The following SPOCK1 variants were observed in gnomAD, a reference collection of about 807,000 sequenced individuals.
The protein encoded by SPOCK1 is testican-1.
SPOCK1 carries 23 observed loss-of-function variants against 55.3 expected under a neutral mutation model. The ratio of observed to expected loss-of-function variants is 0.42; its 90% CI spans 0.30 to 0.59. The LOEUF is 0.59. Ranked by LOEUF, SPOCK1 falls within the 20% of genes least tolerant of loss-of-function variation. SPOCK1 has a pLI of 0.22. For synonymous variants in SPOCK1, 226 were observed against 221.0 expected (o/e 1.02, Z -0.20); for missense variants, 499 against 552.5 (o/e 0.90, Z 0.97).
chr5:137,275,961 C>T (rs1331886548), intron 2 of SPOCK1, among the ~76,000 whole-genome samples: 1 of 152,196 alleles, frequency 6.6e-6, no homozygotes, highest in Non-Finnish European at 1.5e-5. Context: ...GTGCCCTAAC[C>T]AGCCTCCCTG....
At chr5:137,361,118 C>T (rs926907115) in intron 2 of SPOCK1, among the ~76,000 whole-genome samples, 6 of 152,166 alleles carry the variant, frequency 3.9e-5, no homozygotes, top group Admixed American at 1.3e-4. Context: ...CTCTTCTCTA[C>T]GTGAGGATAC....
At chr5:137,477,702 T>C (rs1048854354) in intron 2 of SPOCK1, among the ~76,000 whole-genome samples, 3 of 152,106 alleles carry the variant, frequency 2.0e-5, no homozygotes, top group Non-Finnish European at 2.9e-5. Flanking sequence ...ATGATCACAT[T>C]TGAGGGGGAA....
chr5:137,457,278 G>A (rs1328503593), intron 2 of SPOCK1, among the ~76,000 whole-genome samples: 1 of 152,206 alleles, frequency 6.6e-6, no homozygotes, highest in East Asian at 1.9e-4. Context: ...ATGATATAAA[G>A]TGGAAGCAGT....
chr5:137,130,746 A>T (rs1413744250), intron 4 of SPOCK1, among the ~76,000 whole-genome samples: 1 of 152,234 alleles, frequency 6.6e-6, no homozygotes, highest in Non-Finnish European at 1.5e-5. Context: ...ATGACACCAC[A>T]GCACCTCCAG....
chr5:137,379,128 T>C (rs1184281187), intron 2 of SPOCK1, among the ~76,000 whole-genome samples: 2 of 152,058 alleles, frequency 1.3e-5, no homozygotes, highest in Non-Finnish European at 2.9e-5. Context: ...CCAAGGCATG[T>C]CTACAGGGAT....
intron 3 of SPOCK1, among the ~76,000 whole-genome samples, chr5:137,166,389 C>T (rs538758613): frequency 6.6e-6 from 1 of 151,540 alleles, no homozygotes; most frequent in Non-Finnish European, 1.5e-5. Context: ...ATTTCATCAA[C>T]ACCAGACCTT....
At chr5:137,133,717 T>A (rs1316538476) in intron 4 of SPOCK1, among the ~76,000 whole-genome samples, 1 of 152,158 alleles carries the variant, frequency 6.6e-6, no homozygotes, top group Non-Finnish European at 1.5e-5. Flanking sequence ...GAGAGGCGAT[T>A]GTGGGTTTAA....
intron 2 of SPOCK1, among the ~76,000 whole-genome samples, chr5:137,285,196 A>G (rs1011373837): frequency 6.6e-6 from 1 of 152,154 alleles, no homozygotes; most frequent in Admixed American, 6.5e-5. Flanking sequence ...TGCAAATTTG[A>G]TTTTGGTCAT....
chr5:137,386,918 C>G (rs1751610017), intron 2 of SPOCK1, among the ~76,000 whole-genome samples: 2 of 152,088 alleles, frequency 1.3e-5, no homozygotes, highest in Non-Finnish European at 2.9e-5. Context: ...TCTGACAAAG[C>G]ACTGTAATTC....
At chr5:137,361,474 T>C (rs993582635) in intron 2 of SPOCK1, among the ~76,000 whole-genome samples, 1 of 152,312 alleles carries the variant, frequency 6.6e-6, no homozygotes, top group Admixed American at 6.5e-5. Flanking sequence ...TGGAAGCATG[T>C]GTACGTGCAT....
chr5:137,322,348 AAC>A (rs35930755), intron 2 of SPOCK1, among the ~76,000 whole-genome samples: 2 of 145,054 alleles, frequency 1.4e-5, no homozygotes, highest in African/African-American at 5.0e-5. Context: ...AAAAAAAAAA[AAC>A]ACACACACAC....
chr5:137,003,057 T>G (rs1751180187), intron 6 of SPOCK1, among the ~76,000 whole-genome samples: 1 of 152,236 alleles, frequency 6.6e-6, no homozygotes, highest in African/African-American at 2.4e-5. Context: ...GTGATTTATT[T>G]TTAATGCTCT....
chr5:137,356,608 T>G (rs1476710604), intron 2 of SPOCK1, among the ~76,000 whole-genome samples: 2 of 150,886 alleles, frequency 1.3e-5, no homozygotes, highest in Admixed American at 6.6e-5. Context: ...CTGGCCAACA[T>G]GGCAAAACCC....
At chr5:137,450,956 AC>A (rs1259906345) in intron 2 of SPOCK1, among the ~76,000 whole-genome samples, 1 of 151,894 alleles carries the variant, frequency 6.6e-6, no homozygotes, top group African/African-American at 2.4e-5. Flanking sequence ...TTCCCTGCCC[AC>A]CCATGCCAGG....
intron 3 of SPOCK1, among the ~76,000 whole-genome samples, chr5:137,247,178 C>T (rs1756411936): frequency 6.6e-6 from 1 of 152,044 alleles, no homozygotes; most frequent in Non-Finnish European, 1.5e-5. Flanking sequence ...GATAAAAGGC[C>T]CATGTGCCAG....
intron 4 of SPOCK1, among the ~76,000 whole-genome samples, chr5:137,121,080 C>A (rs998866716): frequency 1.3e-5 from 2 of 152,160 alleles, no homozygotes; most frequent in African/African-American, 2.4e-5. Flanking sequence ...TAGGATTCTA[C>A]AGTCTTTACT....
intron 3 of SPOCK1, among the ~76,000 whole-genome samples, chr5:137,210,617 A>C (rs543077167): frequency 6.6e-6 from 1 of 152,288 alleles, no homozygotes; most frequent in South Asian, 2.1e-4. Context: ...ACTAGGGGGC[A>C]TCTGGAGAGG....
intron 2 of SPOCK1, among the ~76,000 whole-genome samples, chr5:137,296,643 C>T (rs1757491810): frequency 6.6e-6 from 1 of 152,222 alleles, no homozygotes; most frequent in Non-Finnish European, 1.5e-5. Context: ...AAATAGCACT[C>T]ATCTGTGACA....
intron 3 of SPOCK1, among the ~76,000 whole-genome samples, chr5:137,263,949 C>T (rs751297857): frequency 2.0e-5 from 3 of 152,162 alleles, no homozygotes; most frequent in Admixed American, 6.5e-5. Flanking sequence ...TGATAGCACT[C>T]GCTCCATGAA....
Sources: gnomAD v4.1 joint callset for allele counts (sites outside exome capture counted in the v4.1 genomes callset) on GRCh38, gnomAD v4.1.1 for gene constraint, MANE v1.5 for transcripts, NCBI Gene and HGNC (gene_info 2026-07-23, HGNC 2026-07-21) for gene names.